PDE1A: variants seen among roughly 807,000 people sequenced by gnomAD.
The protein encoded by PDE1A is phosphodiesterase 1A.
In PDE1A, 35 loss-of-function variants were observed where a neutral mutation model predicts 61.7. The observed-to-expected ratio is 0.57, with a 90% confidence interval of 0.43 to 0.75. The LOEUF is 0.75. Ranked by LOEUF, PDE1A falls within the 30% of genes least tolerant of loss-of-function variation. The pLI, the probability that PDE1A is intolerant of heterozygous loss-of-function variation, is 0.00. For synonymous variants in PDE1A, 232 were observed against 213.2 expected (o/e 1.09, Z -0.77); for missense variants, 597 against 630.6 (o/e 0.95, Z 0.57).
chr2:182,495,788 A>G (rs866363969), intron 2 of PDE1A, among the ~76,000 whole-genome samples: 1 of 152,210 alleles, frequency 6.6e-6, no homozygotes. Flanking sequence ...CCCTTCATTA[A>G]GATTCATCTG....
chr2:182,369,089 G>T (rs1699993111), intron 1 of PDE1A, among the ~76,000 whole-genome samples: 1 of 151,942 alleles, frequency 6.6e-6, no homozygotes, highest in South Asian at 2.1e-4. Flanking sequence ...TATCACCTTA[G>T]ATTACTTCCC....
the PDE1A span, among the ~76,000 whole-genome samples, chr2:182,532,119 A>AAT: frequency 6.6e-6 from 1 of 151,550 alleles, no homozygotes; most frequent in Non-Finnish European, 1.5e-5. Context: ...GGTAAAAAAA[A>AAT]TTTTTTTAAA....
intron 13 of PDE1A, among the ~76,000 whole-genome samples, chr2:182,147,986 T>C (rs770199958): frequency 6.6e-6 from 1 of 152,230 alleles, no homozygotes; most frequent in Non-Finnish European, 1.5e-5. Flanking sequence ...GTTGAGGTTA[T>C]GTAATTAGTG....
chr2:182,651,009 T>G, the PDE1A span, among the ~76,000 whole-genome samples: 1 of 152,178 alleles, frequency 6.6e-6, no homozygotes, highest in African/African-American at 2.4e-5. Context: ...TGTTTTGTTT[T>G]GTTTTGTTTT....
chr2:182,694,799 G>A, the PDE1A span, among the ~76,000 whole-genome samples: 1 of 132,242 alleles, frequency 7.6e-6, no homozygotes, highest in Non-Finnish European at 1.6e-5. Flanking sequence ...AAAGACTGTT[G>A]ATATTACATA....
At chr2:182,193,034 C>CTG (rs1553530437) in intron 10 of PDE1A, among the ~76,000 whole-genome samples, 1 of 152,018 alleles carries the variant, frequency 6.6e-6, no homozygotes, top group Non-Finnish European at 1.5e-5. Context: ...GTCGCCCAGG[C>CTG]TGGAGTGCAG....
intron 13 of PDE1A, among the ~76,000 whole-genome samples, chr2:182,161,216 C>T (rs542149413): frequency 7.9e-5 from 12 of 152,260 alleles, no homozygotes; most frequent in African/African-American, 2.2e-4. Context: ...AGGAGAATCT[C>T]CTCTTCTTTA....
intron 2 of PDE1A, among the ~76,000 whole-genome samples, chr2:182,253,646 G>A (rs2623422): frequency 0.72 from 110,182 of 152,076 alleles, 40,614 homozygotes; most frequent in African/African-American, 0.87. Flanking sequence ...GTTAATATCA[G>A]TTAGGAGTCA....
downstream of PDE1A, chr2:182,167,821 A>G: frequency 1.4e-6 from 1 of 695,824 alleles, no homozygotes; most frequent in Non-Finnish European, 1.7e-6. Context: ...GAATTAATGT[A>G]AAAGATAATT....
At chr2:182,190,628 C>A (rs1190938997) in intron 10 of PDE1A, among the ~76,000 whole-genome samples, 1 of 152,064 alleles carries the variant, frequency 6.6e-6, no homozygotes, top group Admixed American at 6.6e-5. Flanking sequence ...AAAGACAGTG[C>A]CTGACACTTA....
chr2:182,540,384 A>AAGCAGCAGCAGCAGC, the PDE1A span, among the ~76,000 whole-genome samples: 1 of 77,462 alleles, frequency 1.3e-5, no homozygotes, highest in Non-Finnish European at 3.2e-5. Context: ...AAAAAAAAAA[A>AAGCAGCAGCAGCAGC]AGCAGCAGCA....
chr2:182,150,362 G>T (rs761650000), intron 13 of PDE1A, among the ~76,000 whole-genome samples: 1 of 152,158 alleles, frequency 6.6e-6, no homozygotes, highest in Non-Finnish European at 1.5e-5. Flanking sequence ...ATCATAAATA[G>T]ATAACCTGAA....
chr2:182,626,700 T>C, the PDE1A span, among the ~76,000 whole-genome samples: 108 of 111,988 alleles, frequency 9.6e-4, 4 homozygotes, highest in Admixed American at 3.8e-3. Flanking sequence ...AAAAAAAAGA[T>C]CAAAGAACAA....
intron 1 of PDE1A, among the ~76,000 whole-genome samples, chr2:182,425,904 C>T: frequency 6.6e-6 from 1 of 152,198 alleles, no homozygotes; most frequent in Middle Eastern, 3.4e-3. Context: ...TTCTAAAGTA[C>T]ATAATAGGTA....
intron 2 of PDE1A, among the ~76,000 whole-genome samples, chr2:182,486,991 A>G (rs1242150300): frequency 6.6e-6 from 1 of 152,182 alleles, no homozygotes; most frequent in Non-Finnish European, 1.5e-5. Context: ...CAAGTAATAA[A>G]CTGAGAAAAA....
intron 2 of PDE1A, chr2:182,463,593 C>T (rs1686453068): frequency 6.6e-6 from 1 of 152,176 alleles, no homozygotes; most frequent in African/African-American, 2.4e-5. Context: ...TTGTGGAAGA[C>T]ATACTTTTAT....
chr2:182,145,605 T>C (rs1198187773), downstream of PDE1A, among the ~76,000 whole-genome samples: 1 of 152,074 alleles, frequency 6.6e-6, no homozygotes, highest in Non-Finnish European at 1.5e-5. Context: ...GGTGGGTGCC[T>C]GTAGTCCCAG....
chr2:182,579,997 C>A, the PDE1A span, among the ~76,000 whole-genome samples: 2 of 152,286 alleles, frequency 1.3e-5, no homozygotes, highest in African/African-American at 4.8e-5. Flanking sequence ...AATACACAGA[C>A]CCTGTTTCCA....
chr2:182,315,176 A>G (rs1347438597), intron 1 of PDE1A, among the ~76,000 whole-genome samples: 2 of 152,204 alleles, frequency 1.3e-5, no homozygotes, highest in Non-Finnish European at 2.9e-5. Flanking sequence ...AAATGGAATG[A>G]CATCAAGATT....
Sources: gnomAD v4.1 joint callset for allele counts (sites outside exome capture counted in the v4.1 genomes callset) on GRCh38, gnomAD v4.1.1 for gene constraint, MANE v1.5 for transcripts, NCBI Gene and HGNC (gene_info 2026-07-23, HGNC 2026-07-21) for gene names.